The following WIZ variants were observed in gnomAD, a reference collection of about 807,000 sequenced individuals.
The protein encoded by WIZ is WIZ zinc finger, also known as protein Wiz.
Under a neutral mutation model 140.2 loss-of-function variants are expected in WIZ, and 25 were observed. The ratio of observed to expected loss-of-function variants is 0.18; its 90% CI spans 0.13 to 0.25. WIZ has a LOEUF of 0.25. Among genes scored for constraint, WIZ ranks in the 10% least tolerant of loss-of-function variants. WIZ has a pLI of 1.00. For missense variants in WIZ, 2,231 were observed against 2,632.6 expected (o/e 0.85, Z 3.34); for synonymous variants, 1,125 against 1,154.3 (o/e 0.97, Z 0.51).
intron 5 of WIZ, among the ~76,000 whole-genome samples, chr19:15,434,719 T>C (rs1038214630): frequency 2.0e-5 from 3 of 152,190 alleles, no homozygotes; most frequent in Admixed American, 6.5e-5. Flanking sequence ...GTTCTCTGCC[T>C]TGTAAAGGCT....
intron 5 of WIZ, among the ~76,000 whole-genome samples, chr19:15,434,258 T>TA (rs969364743): frequency 0.012 from 845 of 67,746 alleles, 6 homozygotes; most frequent in East Asian, 0.027. Flanking sequence ...ACTCCATCTT[T>TA]AAAAAAAAAA....
intron 5 of WIZ, among the ~76,000 whole-genome samples, chr19:15,434,838 C>T (rs968232945): frequency 6.6e-6 from 1 of 152,176 alleles, no homozygotes; most frequent in Non-Finnish European, 1.5e-5. Context: ...TCCAAGCCAT[C>T]CTCCACTAGA....
At chr19:15,423,609 T>C (rs1365773962) in intron 12 of WIZ, among the ~76,000 whole-genome samples, 1 of 152,028 alleles carries the variant, frequency 6.6e-6, no homozygotes, top group African/African-American at 2.4e-5. Flanking sequence ...TCCTGGCACC[T>C]AAAAAGGCCT....
At chr19:15,434,106 A>T (rs975046036) in intron 5 of WIZ, among the ~76,000 whole-genome samples, 8 of 151,980 alleles carry the variant, frequency 5.3e-5, no homozygotes, top group Admixed American at 1.3e-4. Context: ...AATACAAAAA[A>T]AATTAGCTGG....
rs1284016801 is a variant in WIZ at position 15,440,103 on chromosome 19, C to G, written c.891G>C (p.Val297=). The G allele has an allele frequency of 6.5e-7, 1 of 1,534,450 alleles. No homozygotes were observed. The change falls in exon 4 of 13, where the codon GTG becomes GTC. Residue 297 remains valine (V), a synonymous_variant. Transcript: ENST00000673675. This position sits in a 1 kb window ranked among gnomAD's most constrained non-coding sequence, Gnocchi z 6.2. ...CATCTGGGCTGGCCACCCCTTCGGC[C>G]ACCTCCTCCAGCAGCTCACACAGGT... The part of the protein sequence containing the change: ...GPYLCELLEE[V]AEGVASPDED...
At chr19:15,444,141 G>A (rs901543920) in intron 2 of WIZ, among the ~76,000 whole-genome samples, 1 of 152,332 alleles carries the variant, frequency 6.6e-6, no homozygotes, top group Non-Finnish European at 1.5e-5. Context: ...TTTGAGGATG[G>A]TCCAGAAAAA....
rs914636733 is a variant in WIZ, at chr19:15,439,103, C to T, written c.1891G>A (p.Glu631Lys). ...EEEEDVVLTS[E>K]MDFSPENGVF... ...CCATTTTCAGGGGAAAAATCCATCTCGGAGGTCAGCACTACATCCTCCTCC... is the reference window on the plus strand; with the variant it reads ...CCATTTTCAGGGGAAAAATCCATCTTGGAGGTCAGCACTACATCCTCCTCC... The change falls in exon 4 of 13, where the codon GAG becomes AAG. Residue 631 changes from glutamate to lysine, a missense_variant. Transcript: ENST00000673675. The surrounding 1 kb of genome is among the most constrained non-coding windows in gnomAD (Gnocchi z 7.0). The T allele has an allele frequency of 1.1e-5, 17 of 1,490,416 alleles. No individual in the cohort carries two copies. In the East Asian group the frequency reaches 1.2e-4, roughly 11 times the overall value. 92.3% of individuals were successfully genotyped at this position (1,490,416 alleles called of 1,614,324 possible). A position where few individuals can be genotyped will look rare whatever the true frequency, so the allele number is the denominator to read the frequency against.
intron 5 of WIZ, among the ~76,000 whole-genome samples, chr19:15,433,860 C>T (rs1969409434): frequency 1.3e-5 from 2 of 152,222 alleles, no homozygotes; most frequent in African/African-American, 4.8e-5. Flanking sequence ...CCCACCCTCC[C>T]CTTTGCAGGC....
Position 15,438,610 on chromosome 19 carries a change from C to A in WIZ, c.2384G>T (p.Arg795Leu). Residue 795 changes from arginine (R) to leucine (L), a missense_variant, in exon 4 of 13, where the codon CGC becomes CTC. Arg to Leu is a moderately radical substitution (Grantham distance 102). Around this residue, in one of 15 missense-constraint regions of WIZ, gnomAD observed 118 missense variants for 209.1 expected, o/e 0.56. Coordinates refer to ENST00000673675, the MANE Select transcript of WIZ (RefSeq NM_001371589.1). ...CTTCTTCTTCTGGAAGGAGAACCTGCGCTCAATGGCCTTCACCTCCTCAGC... is the reference window on the plus strand; with the variant it reads ...CTTCTTCTTCTGGAAGGAGAACCTGAGCTCAATGGCCTTCACCTCCTCAGC... ...ISAEEVKAIE[R>L]RFSFQKKKKK... The A allele has an allele frequency of 7.9e-6, 12 of 1,517,180 alleles. No individual in the cohort carries two copies. The highest frequency in any genetic ancestry group is 1.1e-5 in the Non-Finnish European group (12 of 1,132,002). 94.0% of individuals were successfully genotyped at this position (1,517,180 alleles called of 1,614,324 possible).
Position 15,439,686 on chromosome 19 carries a change from A to G in WIZ, c.1308T>C (p.Phe436=), listed in dbSNP as rs1969657862. ...GGCTGCCAGCCCCGCTGCTGCCTCC[A>G]AAAGGCTCTTTGGTGGTCTGGCCTG... ...EPPGQTTKEP[F]GGSSGAGSPS... is the part of the protein sequence containing the mutation. The change falls in exon 4 of 13, where the codon TTT becomes TTC. Residue 436 remains phenylalanine, a synonymous_variant. Coordinates refer to ENST00000673675, the MANE Select transcript of WIZ (RefSeq NM_001371589.1). This position sits in a 1 kb window ranked among gnomAD's most constrained non-coding sequence, Gnocchi z 7.0. 2.0e-6 allele frequency: 3 copies of G among 1,501,996 alleles called. No homozygotes were observed. The highest frequency in any genetic ancestry group is 2.3e-5 in the Admixed American group (1 of 43,844). 93.0% of individuals were successfully genotyped at this position (1,501,996 alleles called of 1,614,324 possible).
At position 15,429,575 on chromosome 19, in the gene WIZ, C is replaced by T. The variant is rs911840458; in HGVS notation, c.3415+11G>A. On this transcript the variant is annotated intron_variant, in intron 7 of 12. Coordinates refer to ENST00000673675, the MANE Select transcript of WIZ (RefSeq NM_001371589.1). ...CCAGAACCTCCCTCGGCTCTTGGGA[C>T]CCACACTCACTGAGGTTCAAGGGCC... 5 of 1,362,940 alleles carry T rather than the reference C, an allele frequency of 3.7e-6. No homozygotes were observed. The highest frequency in any genetic ancestry group is 4.7e-6 in the Non-Finnish European group (5 of 1,059,846). 84.4% of individuals were successfully genotyped at this position (1,362,940 alleles called of 1,614,324 possible).
At chr19:15,432,936 A>G (rs976646763) in intron 5 of WIZ, among the ~76,000 whole-genome samples, 2 of 151,778 alleles carry the variant, frequency 1.3e-5, no homozygotes, top group Non-Finnish European at 2.9e-5. Context: ...CGCCCTGGCT[A>G]GCGGATGCAC....
rs1168016340 is a variant in WIZ, at chr19:15,427,689, T to G, written c.3815-156A>C. 6.6e-6 allele frequency among the ~76,000 whole-genome samples: 1 copy of G among 151,924 alleles called. No individual in the cohort carries two copies. Among genetic ancestry groups the G allele is most frequent in the Non-Finnish European group, 1.5e-5 (1 of 67,952 alleles). The stretch of plus-strand genomic sequence containing the variant: ...AGGTAAGGGAGTGGAGGAGCGGGGC[T>G]GGGGGCCAGATACCCGGCAGGAGTG... On this transcript the variant is annotated intron_variant, in intron 8 of 12. Coordinates refer to ENST00000673675, the MANE Select transcript of WIZ (RefSeq NM_001371589.1). This position sits in a 1 kb window ranked among gnomAD's most constrained non-coding sequence, Gnocchi z 6.4.
Position 15,422,964 on chromosome 19 carries a change from G to T in WIZ, c.*112C>A. ...GGCCCCCAAGGGGCGCCGGTTTGAG[G>T]TTTTGGCTTGCTCCTTTGGAAACGG... On this transcript the variant is annotated 3_prime_UTR_variant, in exon 13 of 13. Coordinates refer to ENST00000673675, the MANE Select transcript of WIZ (RefSeq NM_001371589.1). 6.8e-7 allele frequency: 1 copy of T among 1,480,832 alleles called. No individual in the cohort carries two copies. The highest frequency in any genetic ancestry group is 9.0e-7 in the Non-Finnish European group (1 of 1,113,284). The allele number at this position is 1,480,832 out of a possible 1,614,324, so 91.7% of individuals were successfully genotyped here.
chr19:15,443,135 A>C (rs1173918065), intron 2 of WIZ, among the ~76,000 whole-genome samples: 1 of 152,160 alleles, frequency 6.6e-6, no homozygotes, highest in East Asian at 1.9e-4. Context: ...GCAATGGCAC[A>C]ATCTCGGCTC....
In WIZ at chr19:15,423,044, T is replaced by G. The variant is rs779511518; in HGVS notation, c.*32A>C. On this transcript the variant is annotated 3_prime_UTR_variant, in exon 13 of 13. Coordinates refer to ENST00000673675, the MANE Select transcript of WIZ (RefSeq NM_001371589.1). ...GAGGAGGAAGAAGAGGAGACAGAGGTGGCACGAGAGGGGATCTGGAATGCT... is the reference window on the plus strand; with the variant it reads ...GAGGAGGAAGAAGAGGAGACAGAGGGGGCACGAGAGGGGATCTGGAATGCT... 1.2e-6 allele frequency: 2 copies of G among 1,602,224 alleles called. No individual in the cohort carries two copies. The highest frequency in any genetic ancestry group is 1.7e-5 in the Admixed American group (1 of 59,402).
chr19:15,424,863 G>A lies in WIZ; in HGVS notation c.5064C>T (p.Gly1688=), dbSNP rs901849776. ...EWIKHRPQKV[G]AYRSYIQGGR... Reference sequence around the variant, plus strand: ...CGCCCTGGATGTAGCTGCGGTAGGCGCCCACCTTCTGGGGCCGGTGTTTGA... The same window carrying A: ...CGCCCTGGATGTAGCTGCGGTAGGCACCCACCTTCTGGGGCCGGTGTTTGA... The change falls in exon 11 of 13, where the codon GGC becomes GGT. Residue 1688 remains glycine (G), a synonymous_variant. Transcript: ENST00000673675. This position sits in a 1 kb window ranked among gnomAD's most constrained non-coding sequence, Gnocchi z 9.7. 13 of 1,610,714 alleles carry A rather than the reference G, an allele frequency of 8.1e-6. No individual in the cohort carries two copies. Among genetic ancestry groups the A allele is most frequent in the East Asian group, 2.2e-5 (1 of 44,796 alleles).
intron 3 of WIZ, among the ~76,000 whole-genome samples, chr19:15,441,507 C>A (rs925391278): frequency 6.6e-6 from 1 of 152,210 alleles, no homozygotes; most frequent in Non-Finnish European, 1.5e-5. Flanking sequence ...TTCAATGACC[C>A]CGCAGGGTGT....
rs1318947523 is a variant in WIZ at position 15,438,665 on chromosome 19, C to T, written c.2329G>A (p.Val777Ile). The T allele has an allele frequency of 1.1e-5, 17 of 1,536,060 alleles. No individual in the cohort carries two copies. The highest frequency in any genetic ancestry group is 7.3e-5 in the East Asian group (3 of 40,916). ...ATGAAATGGCGCACATTGTAGCTGA[C>T]GCCCACGCGGTTCAGGTGGCCCCGG... The part of the protein sequence containing the change: ...HVRGHLNRVG[V>I]SYNVRHFISA... The change falls in exon 4 of 13, where the codon GTC becomes ATC. Residue 777 changes from valine to isoleucine, a missense_variant. Physicochemically the swap from Val to Ile is conservative, Grantham distance 29. Transcript: ENST00000673675.
Sources: allele counts gnomAD v4.1 joint callset (sites outside exome capture counted in the v4.1 genomes callset), GRCh38; gene constraint gnomAD v4.1.1; regional missense constraint gnomAD v4.1.1; non-coding constraint Gnocchi (gnomAD v3.1); transcripts MANE v1.5; gene names NCBI Gene and HGNC (gene_info 2026-07-23, HGNC 2026-07-21).